CUX1: variants seen among roughly 807,000 people sequenced by gnomAD.
CUX1 encodes protein CASP.
Under a neutral mutation model 158.8 loss-of-function variants are expected in CUX1, and 31 were observed. The ratio of observed to expected loss-of-function variants is 0.20; its 90% CI spans 0.15 to 0.26. CUX1 has a LOEUF of 0.26. Among genes scored for constraint, CUX1 ranks in the 10% least tolerant of loss-of-function variants. The pLI, the probability that CUX1 is intolerant of heterozygous loss-of-function variation, is 1.00. For synonymous variants in CUX1, 879 were observed against 862.1 expected (o/e 1.02, Z -0.34); for missense variants, 1,589 against 2,014.6 (o/e 0.79, Z 4.04).
chr7:102,157,928 C>A (rs1157526832), intron 8 of CUX1, among the ~76,000 whole-genome samples: 2 of 152,164 alleles, frequency 1.3e-5, no homozygotes, highest in East Asian at 3.8e-4. Context: ...GCTTTTACGA[C>A]CAGGCTGGGC....
chr7:102,221,096 C>A (rs2132278343), intron 20 of CUX1, among the ~76,000 whole-genome samples: 1 of 152,324 alleles, frequency 6.6e-6, no homozygotes, highest in South Asian at 2.1e-4. Flanking sequence ...TCCACCCGCC[C>A]TTCCATACGT....
Position 101,817,730 on chromosome 7 carries a change from G to C in CUX1, c.30+61G>C. 1 of 1,529,402 alleles carries C rather than the reference G, an allele frequency of 6.5e-7. No individual in the cohort carries two copies. The highest frequency in any genetic ancestry group is 1.2e-5 in the South Asian group (1 of 82,904). The allele number at this position is 1,529,402 out of a possible 1,614,324, so 94.7% of individuals were successfully genotyped here. On this transcript the variant is annotated intron_variant, in intron 1 of 23. Transcript: ENST00000292535. This position sits in a 1 kb window ranked among gnomAD's most constrained non-coding sequence, Gnocchi z 4.1. ...AGGCGCGGAGGGAACCGGGGATGTC[G>C]GGGGGTGCCCGGGTCCCGCGGCTTA...
At chr7:102,056,910 T>TC (rs1195722798) in intron 3 of CUX1, among the ~76,000 whole-genome samples, 1 of 148,490 alleles carries the variant, frequency 6.7e-6, no homozygotes, top group Non-Finnish European at 1.5e-5. Flanking sequence ...TTTTCTGGTT[T>TC]TTTTTTTTTG....
At chr7:101,996,625 C>T (rs1293822281) in intron 2 of CUX1, among the ~76,000 whole-genome samples, 1 of 150,216 alleles carries the variant, frequency 6.7e-6, no homozygotes, top group Non-Finnish European at 1.5e-5. Flanking sequence ...TCCTTTCCTC[C>T]CTCCCTCCCT....
At chr7:102,133,326 C>T (rs1833529286) in intron 8 of CUX1, among the ~76,000 whole-genome samples, 2 of 152,072 alleles carry the variant, frequency 1.3e-5, no homozygotes, top group African/African-American at 4.8e-5. Flanking sequence ...CTGATCCTGC[C>T]CTGCCTTGCC....
At chr7:102,259,755 AAAGAAAG>A (rs1361290244), downstream of CUX1, among the ~76,000 whole-genome samples, 9 of 95,464 alleles carry the variant, frequency 9.4e-5, no homozygotes, top group African/African-American at 3.0e-4. Context: ...AAAAAAAAAA[AAAGAAAG>A]AAAAGAGAAA....
At chr7:101,852,908 C>T (rs1796423563) in intron 1 of CUX1, among the ~76,000 whole-genome samples, 2 of 151,962 alleles carry the variant, frequency 1.3e-5, no homozygotes, top group South Asian at 2.1e-4. Flanking sequence ...GAACTCCTGA[C>T]CTCAGGTGAT....
chr7:102,246,778 C>T (rs1472980793), intron 23 of CUX1, among the ~76,000 whole-genome samples: 5 of 152,160 alleles, frequency 3.3e-5, no homozygotes, highest in African/African-American at 1.2e-4. Context: ...CCATGTTGGC[C>T]GGGCTGGTCT....
At chr7:102,141,817 T>A (rs1834500862) in intron 8 of CUX1, among the ~76,000 whole-genome samples, 1 of 149,262 alleles carries the variant, frequency 6.7e-6, no homozygotes, top group African/African-American at 2.5e-5. Flanking sequence ...TTTTTTGTAT[T>A]TTTAGTAGAG....
chr7:102,110,487 G>A (rs1270869814), intron 6 of CUX1, among the ~76,000 whole-genome samples: 1 of 152,116 alleles, frequency 6.6e-6, no homozygotes, highest in Non-Finnish European at 1.5e-5. Context: ...GCTCTAGTGT[G>A]TTACGCATTC....
chr7:102,179,069 CAG>C (rs1170750445), intron 11 of CUX1, among the ~76,000 whole-genome samples: 7 of 151,974 alleles, frequency 4.6e-5, no homozygotes, highest in African/African-American at 1.5e-4. Flanking sequence ...ATTTTTGAGA[CAG>C]AGTTTCATTC....
chr7:102,269,194 C>T (rs903699841), intron 14 of CUX1, among the ~76,000 whole-genome samples: 1 of 151,812 alleles, frequency 6.6e-6, no homozygotes, highest in South Asian at 2.1e-4. Context: ...AGGCTGGTCT[C>T]GAATTCCTGG....
intron 11 of CUX1, among the ~76,000 whole-genome samples, chr7:102,179,160 G>GC (rs1792745740): frequency 6.6e-6 from 1 of 152,230 alleles, no homozygotes; most frequent in African/African-American, 2.4e-5. Flanking sequence ...CGATTCTCCT[G>GC]CCTCAGCCTC....
At position 102,250,649 on chromosome 7, in the gene CUX1, C is replaced by G. The variant is rs1801413784; in HGVS notation, c.*1607C>G. The G allele has an allele frequency of 1.0e-6, 1 of 985,442 alleles. No homozygotes were observed. The allele number at this position is 985,442 out of a possible 1,614,324, so 61.0% of individuals were successfully genotyped here. A position where few individuals can be genotyped will look rare whatever the true frequency, so the allele number is the denominator to read the frequency against. On this transcript the variant is annotated 3_prime_UTR_variant, in exon 24 of 24. Transcript: ENST00000292535. ...ACTTCCAAACCTACCATTTGCCCTT[C>G]TTTCATTTCGCCTCTTAGTTCTTTT...
chr7:102,221,855 C>A (rs556286317), intron 20 of CUX1, among the ~76,000 whole-genome samples: 3 of 151,812 alleles, frequency 2.0e-5, no homozygotes, highest in South Asian at 4.2e-4. Context: ...TTAAAATATG[C>A]AAATTACCCA....
intron 21 of CUX1, among the ~76,000 whole-genome samples, chr7:102,229,343 C>T (rs1339505332): frequency 5.3e-5 from 8 of 151,348 alleles, no homozygotes; most frequent in Middle Eastern, 3.2e-3. Flanking sequence ...CACTCTGTCG[C>T]CCAGGCTGGA....
At chr7:102,014,375 A>G (rs578078983) in intron 2 of CUX1, among the ~76,000 whole-genome samples, 7 of 152,204 alleles carry the variant, frequency 4.6e-5, no homozygotes, top group African/African-American at 7.2e-5. Flanking sequence ...TGAGAATTGC[A>G]AAGTTGGGCA....
In CUX1 at chr7:102,256,379, G is replaced by A. The variant is rs150122069; in HGVS notation, c.*7337G>A. On this transcript the variant is annotated 3_prime_UTR_variant, in exon 24 of 24. Coordinates refer to ENST00000292535, the MANE Select transcript of CUX1 (RefSeq NM_181552.4). ...GGTTAATCATTTAAGTACTTATCAG[G>A]AGTGTATTGTTATTTTGTGTTTTGT... 1.3e-4 allele frequency: 130 copies of A among 985,230 alleles called. 1 individual carries two copies. The East Asian group carries it at 0.013, about 98-fold the overall frequency. 61.0% of individuals were successfully genotyped at this position (985,230 alleles called of 1,614,324 possible).
chr7:102,094,753 G>A (rs1294031591), intron 4 of CUX1, among the ~76,000 whole-genome samples: 1 of 152,122 alleles, frequency 6.6e-6, no homozygotes, highest in Admixed American at 6.5e-5. Context: ...CCTCTTCCCT[G>A]ACCTCTATGT....
Sources: gnomAD v4.1 joint callset for allele counts (sites outside exome capture counted in the v4.1 genomes callset) on GRCh38, gnomAD v4.1.1 for gene constraint, Gnocchi (gnomAD v3.1) non-coding constraint, MANE v1.5 for transcripts, NCBI Gene and HGNC (gene_info 2026-07-23, HGNC 2026-07-21) for gene names.